C14orf39: variants seen among roughly 807,000 people sequenced by gnomAD.
C14orf39 encodes protein SIX6OS1.
Under a neutral mutation model 85.6 loss-of-function variants are expected in C14orf39, and 66 were observed. The ratio of observed to expected loss-of-function variants is 0.77; its 90% CI spans 0.63 to 0.95. The LOEUF is 0.95. C14orf39 is among the 40% of genes least tolerant of loss of function. The probability of loss-of-function intolerance (pLI) is 0.00; values close to 1 mark genes in which losing one functional copy is unlikely to be tolerated. For missense variants in C14orf39, 735 were observed against 663.9 expected, an observed-to-expected ratio of 1.11 and a Z score of -1.18; for synonymous variants, 242 against 214.0, an observed-to-expected ratio of 1.13 and a Z score of -1.14.
At chr14:60,511,558 G>A in intron 1 of C14orf39, 1 of 537,672 alleles carries the variant, frequency 1.9e-6, no homozygotes, top group Non-Finnish European at 3.4e-6. Context: ...CAAGCTGAGC[G>A]CCTGCCCAGA....
At chr14:60,503,901 T>C (rs1370284598) in intron 1 of C14orf39, among the ~76,000 whole-genome samples, 2 of 152,266 alleles carry the variant, frequency 1.3e-5, no homozygotes, top group East Asian at 3.9e-4. Flanking sequence ...TTTTAGCAGG[T>C]TTTGTATGTC....
chr14:60,446,052 C>G (rs996979144), intron 16 of C14orf39, among the ~76,000 whole-genome samples: 1 of 152,034 alleles, frequency 6.6e-6, no homozygotes, highest in African/African-American at 2.4e-5. Context: ...CTCTGGGACA[C>G]GTTTAAAGCA....
chr14:60,460,501 TAAAACTTCA>T, intron 13 of C14orf39, among the ~76,000 whole-genome samples: 1 of 151,994 alleles, frequency 6.6e-6, no homozygotes, highest in East Asian at 1.9e-4. Flanking sequence ...AAGGCATTTT[TAAAACTTCA>T]AAACAAAAGT....
intron 1 of C14orf39, among the ~76,000 whole-genome samples, chr14:60,508,717 G>A (rs1893241631): frequency 6.6e-6 from 1 of 152,194 alleles, no homozygotes; most frequent in Admixed American, 6.5e-5. Flanking sequence ...CCCACCGCAA[G>A]GTTTGCTGTT....
intron 9 of C14orf39, 28 bp from the exon 10 acceptor site, chr14:60,467,072 T>C (rs1332187590): frequency 1.9e-5 from 21 of 1,121,604 alleles, no homozygotes; most frequent in Non-Finnish European, 2.5e-5. Flanking sequence ...TTACATTAAA[T>C]ATTAGATAAG....
upstream of C14orf39, among the ~76,000 whole-genome samples, chr14:60,488,187 G>A (rs1892934867): frequency 6.6e-6 from 1 of 152,126 alleles, no homozygotes; most frequent in Admixed American, 6.5e-5. Flanking sequence ...ATTTTCTTAT[G>A]AAAATTTGTA....
intron 16 of C14orf39, among the ~76,000 whole-genome samples, chr14:60,448,559 AG>A (rs1217754211): frequency 6.6e-6 from 1 of 152,220 alleles, no homozygotes; most frequent in African/African-American, 2.4e-5. Context: ...ATGGAGAAAT[AG>A]GAACACTTTT....
At chr14:60,512,347 A>G (rs2140190787) in intron 1 of C14orf39, 1 of 152,346 alleles carries the variant, frequency 6.6e-6, no homozygotes, top group East Asian at 1.9e-4. Context: ...AGCAGCAGGC[A>G]CCCATGATCA....
intron 1 of C14orf39, among the ~76,000 whole-genome samples, chr14:60,500,289 A>C (rs966346298): frequency 3.3e-5 from 5 of 152,182 alleles, no homozygotes; most frequent in Non-Finnish European, 5.9e-5. Context: ...AGCCTCCCAA[A>C]GTGCTGGGAT....
At chr14:60,478,862 A>C (rs1359042267) in intron 4 of C14orf39, among the ~76,000 whole-genome samples, 1 of 152,178 alleles carries the variant, frequency 6.6e-6, no homozygotes, top group African/African-American at 2.4e-5. Flanking sequence ...GAATTACAAA[A>C]AAAAGAGAAA....
chr14:60,463,667 T>C (rs893280413), intron 11 of C14orf39, among the ~76,000 whole-genome samples: 1 of 152,158 alleles, frequency 6.6e-6, no homozygotes. Flanking sequence ...TCCCCCTCTT[T>C]ATCTTGCTAG....
intron 11 of C14orf39, among the ~76,000 whole-genome samples, chr14:60,462,041 TA>T (rs1431887500): frequency 6.6e-6 from 1 of 152,060 alleles, no homozygotes; most frequent in Non-Finnish European, 1.5e-5. Flanking sequence ...TATATACACA[TA>T]AAAGAGCTAT....
chr14:60,464,220 A>G (rs1033803591), intron 11 of C14orf39, among the ~76,000 whole-genome samples: 1 of 152,198 alleles, frequency 6.6e-6, no homozygotes, highest in Non-Finnish European at 1.5e-5. Context: ...AAAGCATAGC[A>G]TGAAAAATAG....
rs200366909 is a variant in C14orf39, at chr14:60,481,679, T to C, written c.233+2012A>G. Among the ~76,000 whole-genome samples the C allele has an allele frequency of 1.5e-3, 225 of 152,298 alleles. 1 individual carries two copies. Among genetic ancestry groups the C allele is most frequent in the African/African-American group, 5.1e-3 (212 of 41,554 alleles). ...AGGCAAAAATAATAGCATTTAATTA[T>C]TGCTTTAATTTAGATATTTCTGACT... On this transcript the variant is annotated intron_variant, in intron 4 of 17. Transcript: ENST00000321731.
At position 60,455,125 on chromosome 14, in the gene C14orf39, A is replaced by G. The variant is rs777965438; in HGVS notation, c.1379T>C (p.Val460Ala). 1.3e-6 allele frequency: 2 copies of G among 1,561,510 alleles called. No homozygotes were observed. Among genetic ancestry groups the G allele is most frequent in the East Asian group, 2.3e-5 (1 of 43,156 alleles). Reference protein sequence around the residue: ...PFEINRNRNAVPEVQTEKESP... With the variant: ...PFEINRNRNAAPEVQTEKESP... ...TTCCTTTTCTGTTTGAACTTCAGGT[A>G]CTGCATTTCTATTTCTGTTACTGAG... is the stretch of plus-strand genomic sequence containing the variant. The change falls in exon 16 of 18, where the codon GTA (valine) becomes GCA (alanine). Residue 460 changes from valine to alanine, a missense_variant. Transcript: ENST00000321731.
intron 15 of C14orf39, among the ~76,000 whole-genome samples, chr14:60,456,426 C>T (rs1595455489): frequency 7.0e-6 from 1 of 142,330 alleles, no homozygotes; most frequent in Non-Finnish European, 1.5e-5. Context: ...TTTAGCTTGA[C>T]TTTTTTTTTT....
intron 9 of C14orf39, among the ~76,000 whole-genome samples, chr14:60,468,140 G>C (rs1158270450): frequency 6.6e-6 from 1 of 151,652 alleles, no homozygotes; most frequent in Non-Finnish European, 1.5e-5. Context: ...TACTCCTATT[G>C]CTGGCCCATC....
At chr14:60,466,119 T>C in intron 10 of C14orf39, 64 bp from the exon 11 acceptor site, 1 of 670,364 alleles carries the variant, frequency 1.5e-6, no homozygotes, top group Non-Finnish European at 2.3e-6. Context: ...TCTTCCCCAA[T>C]GTTTAACCTA....
intron 2 of C14orf39, chr14:60,495,919 G>A (rs550293633): frequency 1.6e-5 from 7 of 437,164 alleles, no homozygotes; most frequent in South Asian, 6.8e-5. Context: ...AGTCCAGGGT[G>A]TGAGGTAGCA....
Sources: gnomAD v4.1 joint callset for allele counts (sites outside exome capture counted in the v4.1 genomes callset) on GRCh38, gnomAD v4.1.1 for gene constraint, MANE v1.5 for transcripts, NCBI Gene and HGNC (gene_info 2026-07-23, HGNC 2026-07-21) for gene names.